Variants in OR5K1 observed in about 807,000 individuals in gnomAD.
The protein encoded by OR5K1 is olfactory receptor family 5 subfamily K member 1.
Under a neutral mutation model 10.4 loss-of-function variants are expected in OR5K1, and 7 were observed. That is an observed-to-expected ratio of 0.67 (90% CI 0.38 to 1.26). The LOEUF (loss-of-function observed/expected upper bound fraction) is 1.26. Among genes scored for constraint, OR5K1 ranks in the 50% most tolerant of loss-of-function variants. The probability of loss-of-function intolerance (pLI) is 0.02; values close to 1 mark genes in which losing one functional copy is unlikely to be tolerated. For missense variants in OR5K1, 435 were observed against 366.2 expected (o/e 1.19, Z -1.53); for synonymous variants, 135 against 128.5 (o/e 1.05, Z -0.34).
intron 1 of OR5K1, 125 bp from the exon 2 acceptor site, chr3:98,469,441 C>G: frequency 1.2e-6 from 1 of 843,758 alleles, no homozygotes. Context: ...ATGGGGCATG[C>G]ACCAAAGTCC....
rs569994913 is a variant in OR5K1 at position 98,463,476 on chromosome 3, CTA to C, written c.-12+171_-12+172del. On this transcript the variant is annotated intron_variant, in intron 1 of 1. Coordinates refer to ENST00000642057, the MANE Select transcript of OR5K1 (RefSeq NM_001004736.4). ...TATTGTGTAAGCTTTAGACAAATGA[CTA>C]TCATTCATTTGTATCACTTCTGAAT... Among the ~76,000 whole-genome samples, 125 of 152,140 alleles carry C rather than the reference CTA, an allele frequency of 8.2e-4. 4 individuals carry two copies. The highest frequency in any genetic ancestry group is 7.5e-3 in the South Asian group (36 of 4,820).
At chr3:98,464,073 G>A (rs1275277232) in intron 1 of OR5K1, among the ~76,000 whole-genome samples, 1 of 151,930 alleles carries the variant, frequency 6.6e-6, no homozygotes. Context: ...TAGCCAACAT[G>A]GTGAAACCCC....
rs1705437450 is a variant in OR5K1 at position 98,470,701 on chromosome 3, CAA to C, written c.*201_*202del. 2.8e-6 allele frequency: 1 copy of C among 352,848 alleles called. No individual in the cohort carries two copies. The highest frequency in any genetic ancestry group is 5.1e-6 in the Non-Finnish European group (1 of 196,360). The allele number at this position is 352,848 out of a possible 1,614,324, so 21.9% of individuals were successfully genotyped here. A position where few individuals can be genotyped will look rare whatever the true frequency, so the allele number is the denominator to read the frequency against. The stretch of plus-strand genomic sequence containing the variant: ...GAGTAAACTGTGGTAAATCTTAATT[CAA>C]AATAACAAAAATGAAATTCTAATTT... On this transcript the variant is annotated 3_prime_UTR_variant, in exon 2 of 2. Coordinates refer to ENST00000642057, the MANE Select transcript of OR5K1 (RefSeq NM_001004736.4).
chr3:98,471,450 G>A lies in OR5K1; in HGVS notation c.*947G>A, dbSNP rs1705446411. 1 of 151,654 alleles carries A rather than the reference G, an allele frequency of 6.6e-6. No individual in the cohort carries two copies. Among genetic ancestry groups the A allele is most frequent in the South Asian group, 2.1e-4 (1 of 4,788 alleles). The allele number at this position is 151,654 out of a possible 1,614,324, so 9.4% of individuals were successfully genotyped here. A position where few individuals can be genotyped will look rare whatever the true frequency, so the allele number is the denominator to read the frequency against. On this transcript the variant is annotated 3_prime_UTR_variant, in exon 2 of 2. Transcript: ENST00000642057. Reference sequence around the variant, plus strand: ...TGCAAAACCTGAAGTTGGTATTGTGGGTAGAGTAATGATCTTAATGTGATA... The same window carrying A: ...TGCAAAACCTGAAGTTGGTATTGTGAGTAGAGTAATGATCTTAATGTGATA...
intron 1 of OR5K1, among the ~76,000 whole-genome samples, chr3:98,464,504 C>A (rs1416216839): frequency 6.6e-6 from 1 of 152,050 alleles, no homozygotes; most frequent in African/African-American, 2.4e-5. Flanking sequence ...AGCAGGCATC[C>A]AATGACTATC....
intron 1 of OR5K1, among the ~76,000 whole-genome samples, chr3:98,468,678 G>A (rs1213878050): frequency 6.6e-6 from 1 of 152,040 alleles, no homozygotes; most frequent in Non-Finnish European, 1.5e-5. Context: ...GTTGAATAAT[G>A]TTCCATTATA....
At chr3:98,465,118 C>T (rs1426479991) in intron 1 of OR5K1, among the ~76,000 whole-genome samples, 1 of 152,060 alleles carries the variant, frequency 6.6e-6, no homozygotes, top group African/African-American at 2.4e-5. Context: ...AATAATTGAC[C>T]TCTAATTTTT....
chr3:98,464,597 C>T (rs1705349721), intron 1 of OR5K1, among the ~76,000 whole-genome samples: 1 of 152,142 alleles, frequency 6.6e-6, no homozygotes. Context: ...GGTAAGAACT[C>T]TTTGTCTATA....
rs1705434642 is a variant in OR5K1 at position 98,470,446 on chromosome 3, T to C, written c.870T>C (p.Tyr290=). Reference sequence around the variant, plus strand: ...TTCCCTTACTAAATCCTTTCATTTATAGCCTGAGAAATAGGGAAGTAATAA... The same window carrying C: ...TTCCCTTACTAAATCCTTTCATTTACAGCCTGAGAAATAGGGAAGTAATAA... The part of the protein sequence containing the change: ...IVVPLLNPFI[Y]SLRNREVISV... Residue 290 remains tyrosine (Y), a synonymous_variant, in exon 2 of 2, where the codon TAT becomes TAC. Transcript: ENST00000642057. 2 of 1,595,458 alleles carry C rather than the reference T, an allele frequency of 1.3e-6. 1 individual carries two copies. The highest frequency in any genetic ancestry group is 2.2e-5 in the South Asian group (2 of 89,934).
Position 98,472,204 on chromosome 3 carries a change from A to G in OR5K1, c.*1701A>G, listed in dbSNP as rs954352692. On this transcript the variant is annotated 3_prime_UTR_variant, in exon 2 of 2. Transcript: ENST00000642057. ...GCATTGATTTTCAGCTAAAATGTCT[A>G]TTTATCCAACCCACAAGGCTTTGGG... 16 of 150,780 alleles carry G rather than the reference A, an allele frequency of 1.1e-4. No homozygotes were observed. The highest frequency in any genetic ancestry group is 8.6e-4 in the Admixed American group (13 of 15,050). The allele number at this position is 150,780 out of a possible 1,614,324, so 9.3% of individuals were successfully genotyped here.
At position 98,470,775 on chromosome 3, in the gene OR5K1, TG is replaced by T; in HGVS notation, c.*273del. 4.6e-6 allele frequency: 1 copy of T among 215,528 alleles called. No individual in the cohort carries two copies. Among genetic ancestry groups the T allele is most frequent in the Non-Finnish European group, 9.1e-6 (1 of 109,766 alleles). 13.4% of individuals were successfully genotyped at this position (215,528 alleles called of 1,614,324 possible). ...GTAGTATGTTGTCAAGCTCTTGGTC[TG>T]TGTTGGCATCAGGGATGATAAGCAT... is the stretch of plus-strand genomic sequence containing the variant. On this transcript the variant is annotated 3_prime_UTR_variant, in exon 2 of 2. Transcript: ENST00000642057.
At position 98,471,165 on chromosome 3, in the gene OR5K1, A is replaced by G. The variant is rs781144640; in HGVS notation, c.*662A>G. ...TTTTCAAGTCAAGCTACATTAAGAG[A>G]GTTTTATCTACTCCCATATCTACCT... On this transcript the variant is annotated 3_prime_UTR_variant, in exon 2 of 2. Coordinates refer to ENST00000642057, the MANE Select transcript of OR5K1 (RefSeq NM_001004736.4). 4.6e-5 allele frequency: 7 copies of G among 152,030 alleles called. No homozygotes were observed. Among genetic ancestry groups the G allele is most frequent in the Non-Finnish European group, 8.8e-5 (6 of 67,990 alleles). The allele number at this position is 152,030 out of a possible 1,614,324, so 9.4% of individuals were successfully genotyped here.
In OR5K1 at chr3:98,472,792, C is replaced by T. The variant is rs1705466543; in HGVS notation, c.*2289C>T. The T allele has an allele frequency of 6.6e-6, 1 of 151,876 alleles. No homozygotes were observed. The highest frequency in any genetic ancestry group is 1.5e-5 in the Non-Finnish European group (1 of 67,922). The allele number at this position is 151,876 out of a possible 1,614,324, so 9.4% of individuals were successfully genotyped here. ...CTGCCCTGGTTACTGTCTGAAACGG[C>T]AGGCATAGTTATTGGGTAAGACAGA... On this transcript the variant is annotated 3_prime_UTR_variant, in exon 2 of 2. Coordinates refer to ENST00000642057, the MANE Select transcript of OR5K1 (RefSeq NM_001004736.4).
chr3:98,463,634 TGAA>T, intron 1 of OR5K1, among the ~76,000 whole-genome samples: 1 of 152,172 alleles, frequency 6.6e-6, no homozygotes, highest in Non-Finnish European at 1.5e-5. Flanking sequence ...CTTGATGAAA[TGAA>T]TTATTAACCT....
rs1401796731 is a variant in OR5K1 at position 98,471,200 on chromosome 3, T to C, written c.*697T>C. The C allele has an allele frequency of 6.6e-6, 1 of 152,038 alleles. No individual in the cohort carries two copies. The highest frequency in any genetic ancestry group is 1.5e-5 in the Non-Finnish European group (1 of 67,982). 9.4% of individuals were successfully genotyped at this position (152,038 alleles called of 1,614,324 possible). On this transcript the variant is annotated 3_prime_UTR_variant, in exon 2 of 2. Transcript: ENST00000642057. The stretch of plus-strand genomic sequence containing the variant: ...ACTCCCATATCTACCTGCATAAATA[T>C]ACCATAACACAAACTTCCAGAAAAG...
In OR5K1 at chr3:98,469,879, T is replaced by G. The variant is rs1180993041; in HGVS notation, c.303T>G (p.Phe101Leu). 2 of 1,613,776 alleles carry G rather than the reference T, an allele frequency of 1.2e-6. No individual in the cohort carries two copies. The highest frequency in any genetic ancestry group is 1.7e-6 in the Non-Finnish European group (2 of 1,179,782). ...RISLYECAVQFYFLCTVETAD... is the reference protein window; with the variant it reads ...RISLYECAVQLYFLCTVETAD... ...CCCTCTATGAATGTGCAGTACAGTTTTATTTTCTTTGCACTGTGGAAACTG... is the reference window on the plus strand; with the variant it reads ...CCCTCTATGAATGTGCAGTACAGTTGTATTTTCTTTGCACTGTGGAAACTG... The change falls in exon 2 of 2, where the codon TTT becomes TTG. Residue 101 changes from phenylalanine (F) to leucine (L), a missense_variant. Phe to Leu is a conservative substitution (Grantham distance 22, BLOSUM62 0). Transcript: ENST00000642057.
chr3:98,463,350 G>A (rs1280441377), intron 1 of OR5K1, 43 bp downstream of exon 1: 1 of 152,130 alleles, frequency 6.6e-6, no homozygotes, highest in South Asian at 2.1e-4. Flanking sequence ...AAATATTAAT[G>A]ACATGAAACG....
rs770268715 is a variant in OR5K1, at chr3:98,469,665, T to G, written c.89T>G (p.Val30Gly). ...GAGCTGAAGACTCTGCTGTTTGTGG[T>G]GTTCTTTGCCATCTATCTGATCACC... ...HPELKTLLFVVFFAIYLITVV... is the reference protein window; with the variant it reads ...HPELKTLLFVGFFAIYLITVV... Residue 30 changes from valine to glycine, a missense_variant, in exon 2 of 2, where the codon GTG becomes GGG. By Grantham distance (109) the Val-to-Gly change is moderately radical (BLOSUM62 -3). Transcript: ENST00000642057. 3 of 1,613,566 alleles carry G rather than the reference T, an allele frequency of 1.9e-6. No homozygotes were observed. Among genetic ancestry groups the G allele is most frequent in the Middle Eastern group, 1.6e-4 (1 of 6,074 alleles).
rs773689781 is a variant in OR5K1 at position 98,470,229 on chromosome 3, A to T, written c.653A>T (p.Tyr218Phe). The change falls in exon 2 of 2, where the codon TAT (tyrosine) becomes TTT (phenylalanine). Residue 218 changes from tyrosine (Y) to phenylalanine (F), a missense_variant. Coordinates refer to ENST00000642057, the MANE Select transcript of OR5K1 (RefSeq NM_001004736.4). Reference protein sequence around the residue: ...VFTIGSVLISYLYILLTIFKM... With the variant: ...VFTIGSVLISFLYILLTIFKM... ...ACCATAGGTAGTGTCTTAATATCTT[A>T]TCTCTATATTCTTCTTACTATTTTC... 6.2e-6 allele frequency: 10 copies of T among 1,613,012 alleles called. No individual in the cohort carries two copies. In the Admixed American group the frequency reaches 1.0e-4, roughly 16 times the overall value.
Sources: gnomAD v4.1 joint callset for allele counts (sites outside exome capture counted in the v4.1 genomes callset) on GRCh38, gnomAD v4.1.1 for gene constraint, MANE v1.5 for transcripts, NCBI Gene and HGNC (gene_info 2026-07-23, HGNC 2026-07-21) for gene names.